PCDH15: variants seen among roughly 807,000 people sequenced by gnomAD.
PCDH15 encodes the protein protocadherin related 15.
Under a neutral mutation model 178.5 loss-of-function variants are expected in PCDH15, and 129 were observed. The ratio of observed to expected loss-of-function variants is 0.72; its 90% confidence interval spans 0.63 to 0.84. PCDH15 has a LOEUF of 0.84. Ranked by LOEUF, PCDH15 falls within the 40% of genes least tolerant of loss-of-function variation. PCDH15 has a pLI of 0.00. For synonymous variants in PCDH15, 800 were observed against 732.0 expected (o/e 1.09, Z -1.50); for missense variants, 2,230 against 2,099.9 (o/e 1.06, Z -1.21).
At chr10:55,579,613 C>CA (rs1842565573) in intron 2 of PCDH15, among the ~76,000 whole-genome samples, 1 of 151,746 alleles carries the variant, frequency 6.6e-6, no homozygotes, top group Non-Finnish European at 1.5e-5. Context: ...TGGAAGGAAG[C>CA]AAAAATATAT....
intron 1 of PCDH15, among the ~76,000 whole-genome samples, chr10:54,775,859 C>A (rs1949641173): frequency 6.6e-6 from 1 of 152,160 alleles, no homozygotes; most frequent in African/African-American, 2.4e-5. Flanking sequence ...GCACTCCAGC[C>A]TGGGCGACAG....
intron 8 of PCDH15, among the ~76,000 whole-genome samples, chr10:54,298,400 A>G (rs2059931042): frequency 6.6e-6 from 1 of 152,206 alleles, no homozygotes; most frequent in Non-Finnish European, 1.5e-5. Flanking sequence ...GAGATCAGAG[A>G]AAGACTGCAG....
chr10:54,906,734 A>G (rs570653629), intron 2 of PCDH15, among the ~76,000 whole-genome samples: 3 of 152,296 alleles, frequency 2.0e-5, no homozygotes, highest in African/African-American at 7.2e-5. Context: ...GGTACATCCT[A>G]GTATATAAGA....
intron 15 of PCDH15, among the ~76,000 whole-genome samples, chr10:54,123,414 G>GA (rs757020826): frequency 3.7e-4 from 57 of 152,006 alleles, no homozygotes; most frequent in South Asian, 3.3e-3. Context: ...AGAAATATAT[G>GA]AAAAAAATGC....
chr10:54,263,805 G>A (rs1372334293), intron 8 of PCDH15, among the ~76,000 whole-genome samples: 1 of 152,038 alleles, frequency 6.6e-6, no homozygotes, highest in African/African-American at 2.4e-5. Flanking sequence ...ATTGTTCCTG[G>A]GTGTGTTTTG....
chr10:54,633,601 C>CTG (rs2093762451), intron 2 of PCDH15, among the ~76,000 whole-genome samples: 1 of 151,718 alleles, frequency 6.6e-6, no homozygotes. Context: ...TTTCTGGACA[C>CTG]TGGAGGAAAA....
At chr10:54,952,076 T>G (rs546305557) in intron 2 of PCDH15, among the ~76,000 whole-genome samples, 15 of 152,000 alleles carry the variant, frequency 9.9e-5, no homozygotes, top group African/African-American at 3.4e-4. Context: ...TTGTCTTTCA[T>G]GGATCATGCA....
chr10:54,768,235 CA>C (rs1392371762), intron 1 of PCDH15, among the ~76,000 whole-genome samples: 1 of 152,114 alleles, frequency 6.6e-6, no homozygotes, highest in African/African-American at 2.4e-5. Flanking sequence ...GAGGATTTGA[CA>C]AGAAGTCTTC....
rs1230014245 is a variant in PCDH15, at chr10:55,168,783, T to A, written c.-155-2132A>T. ...TACAGTATATGTAATTATGATTATA[T>A]AAGAATTAATTTCATGTGATTGTGC... is the stretch of plus-strand genomic sequence containing the variant. On this transcript the variant is annotated intron_variant, in intron 1 of 5. Coordinates refer to the PCDH15 transcript ENST00000458638. 7.9e-5 allele frequency among the ~76,000 whole-genome samples: 12 copies of A among 152,320 alleles called. No homozygotes were observed. The East Asian group carries it at 2.1e-3, about 27-fold the overall frequency.
At chr10:54,879,217 T>C (rs1954214462) in intron 3 of PCDH15, among the ~76,000 whole-genome samples, 2 of 152,040 alleles carry the variant, frequency 1.3e-5, no homozygotes, top group Admixed American at 1.3e-4. Context: ...TGTATGTGTG[T>C]GTGTGCTTGT....
intron 2 of PCDH15, among the ~76,000 whole-genome samples, chr10:55,025,428 C>T (rs961204784): frequency 6.6e-6 from 1 of 152,050 alleles, no homozygotes; most frequent in Non-Finnish European, 1.5e-5. Context: ...TTGAAAACTG[C>T]ATAGTTTTTG....
At chr10:54,567,968 C>G (rs564780908) in intron 2 of PCDH15, among the ~76,000 whole-genome samples, 1 of 152,238 alleles carries the variant, frequency 6.6e-6, no homozygotes, top group South Asian at 2.1e-4. Flanking sequence ...AAAATTATTT[C>G]TGCTACGTAT....
chr10:55,603,078 C>A (rs550197495), intron 2 of PCDH15, among the ~76,000 whole-genome samples: 52 of 152,024 alleles, frequency 3.4e-4, no homozygotes, highest in African/African-American at 1.2e-3. Context: ...GGCTCGAGAA[C>A]TACGTGAAGA....
At chr10:55,112,433 G>A (rs1414310254) in intron 2 of PCDH15, among the ~76,000 whole-genome samples, 2 of 152,080 alleles carry the variant, frequency 1.3e-5, no homozygotes, top group Non-Finnish European at 2.9e-5. Flanking sequence ...GGAAAAATGA[G>A]GCAGGAAGAA....
chr10:55,177,765 C>T, intron 1 of PCDH15, among the ~76,000 whole-genome samples: 1 of 152,108 alleles, frequency 6.6e-6, no homozygotes, highest in Non-Finnish European at 1.5e-5. Context: ...AGCTGGGGAA[C>T]CTGAACATGA....
chr10:54,394,805 G>A (rs547494320), intron 3 of PCDH15, among the ~76,000 whole-genome samples: 2 of 152,084 alleles, frequency 1.3e-5, no homozygotes, highest in African/African-American at 2.4e-5. Context: ...ACCTGGGGGC[G>A]CTGTTTATAA....
intron 2 of PCDH15, among the ~76,000 whole-genome samples, chr10:55,509,901 T>C (rs1420915964): frequency 6.6e-6 from 1 of 151,896 alleles, no homozygotes; most frequent in East Asian, 1.9e-4. Flanking sequence ...GGAGACAATC[T>C]AACCGTTTTA....
intron 2 of PCDH15, among the ~76,000 whole-genome samples, chr10:55,562,380 T>C (rs1011617212): frequency 1.3e-5 from 2 of 151,998 alleles, no homozygotes; most frequent in Non-Finnish European, 2.9e-5. Flanking sequence ...TAAAAACTTG[T>C]ATATATTATT....
intron 11 of PCDH15, 51 bp from the exon 12 acceptor site, chr10:54,185,319 T>G (rs750280459): frequency 5.0e-6 from 8 of 1,600,356 alleles, no homozygotes; most frequent in Non-Finnish European, 6.8e-6. Flanking sequence ...AATGTAGCTA[T>G]TAGTTCATTA....
Sources: allele counts gnomAD v4.1 joint callset (sites outside exome capture counted in the v4.1 genomes callset), GRCh38; gene constraint gnomAD v4.1.1; transcripts MANE v1.5; gene names NCBI Gene and HGNC (gene_info 2026-07-23, HGNC 2026-07-21).